Variants in BMPR1B observed in about 807,000 individuals in gnomAD.
The protein encoded by BMPR1B is bone morphogenetic protein receptor type-1B.
In BMPR1B, 12 loss-of-function variants were observed where a neutral mutation model predicts 59.1. That is an observed-to-expected ratio of 0.20 (90% confidence interval 0.13 to 0.33). The LOEUF is 0.33. BMPR1B is among the 10% of genes least tolerant of loss of function. The pLI, the probability that BMPR1B is intolerant of heterozygous loss-of-function variation, is 1.00. For missense variants in BMPR1B, 550 were observed against 610.9 expected (o/e 0.90, Z 1.05); for synonymous variants, 237 against 207.3 (o/e 1.14, Z -1.23).
At chr4:94,832,805 G>A (rs181219808) in intron 1 of BMPR1B, among the ~76,000 whole-genome samples, 5 of 151,966 alleles carry the variant, frequency 3.3e-5, no homozygotes, top group Non-Finnish European at 7.4e-5. Flanking sequence ...AATAAGGAAA[G>A]GTAGTGCAGT....
At chr4:94,908,554 T>C (rs1394558960) in intron 2 of BMPR1B, among the ~76,000 whole-genome samples, 1 of 152,072 alleles carries the variant, frequency 6.6e-6, no homozygotes, top group African/African-American at 2.4e-5. Context: ...ATCAATGATC[T>C]GTAATATCAC....
At chr4:95,139,147 G>A (rs1161054872) in intron 10 of BMPR1B, among the ~76,000 whole-genome samples, 1 of 152,192 alleles carries the variant, frequency 6.6e-6, no homozygotes, top group Non-Finnish European at 1.5e-5. Flanking sequence ...AGGACCCTCA[G>A]CTGCAGGTCT....
intron 4 of BMPR1B, among the ~76,000 whole-genome samples, chr4:95,110,258 G>GGTCC (rs1731533565): frequency 6.6e-6 from 1 of 151,794 alleles, no homozygotes; most frequent in Admixed American, 6.6e-5. Flanking sequence ...ATGTGGTGAG[G>GGTCC]GTCCGCATTG....
chr4:94,859,292 C>T (rs1185181212), intron 1 of BMPR1B, among the ~76,000 whole-genome samples: 1 of 152,124 alleles, frequency 6.6e-6, no homozygotes, highest in Non-Finnish European at 1.5e-5. Context: ...TACTTTTTAA[C>T]AGGATTTTAA....
In BMPR1B at chr4:94,933,123, C is replaced by T. The variant is rs899465769; in HGVS notation, c.-113+57223C>T. Among the ~76,000 whole-genome samples the T allele has an allele frequency of 1.1e-4, 16 of 151,828 alleles. 1 individual carries two copies. The highest frequency in any genetic ancestry group is 1.6e-4 in the Non-Finnish European group (11 of 67,920). The stretch of plus-strand genomic sequence containing the variant: ...TATATAATGCTTTTTATATAATATT[C>T]GTATGTATTAGAATTAAGCTATTCA... On this transcript the variant is annotated intron_variant, in intron 2 of 12. Coordinates refer to ENST00000515059, the MANE Select transcript of BMPR1B (RefSeq NM_001203.3).
chr4:95,069,550 T>A (rs1398067146), intron 3 of BMPR1B, among the ~76,000 whole-genome samples: 1 of 152,230 alleles, frequency 6.6e-6, no homozygotes, highest in Non-Finnish European at 1.5e-5. Context: ...CTAGCTATCC[T>A]TTTTAAATCA....
intron 2 of BMPR1B, among the ~76,000 whole-genome samples, chr4:94,962,346 C>T (rs1221736721): frequency 2.0e-5 from 3 of 152,108 alleles, no homozygotes; most frequent in Admixed American, 6.6e-5. Flanking sequence ...CCATGTTGGC[C>T]AGGCTGGTCT....
intron 1 of BMPR1B, among the ~76,000 whole-genome samples, chr4:94,772,505 A>G (rs1485119052): frequency 1.3e-5 from 2 of 152,228 alleles, no homozygotes; most frequent in Non-Finnish European, 2.9e-5. Flanking sequence ...AAAATACTTA[A>G]TATTTAAAAT....
chr4:95,009,893 G>T (rs892614144), intron 3 of BMPR1B, among the ~76,000 whole-genome samples: 1 of 152,172 alleles, frequency 6.6e-6, no homozygotes, highest in Non-Finnish European at 1.5e-5. Flanking sequence ...CTCTTTCCGT[G>T]TGGAGAATGA....
At chr4:94,916,772 CA>C (rs1156806159) in intron 2 of BMPR1B, among the ~76,000 whole-genome samples, 15 of 152,156 alleles carry the variant, frequency 9.9e-5, no homozygotes, top group African/African-American at 9.7e-5. Flanking sequence ...ATTTGCATAA[CA>C]AAAAAGCCAA....
intron 1 of BMPR1B, among the ~76,000 whole-genome samples, chr4:94,868,839 G>T (rs1435954438): frequency 6.6e-6 from 1 of 152,130 alleles, no homozygotes; most frequent in African/African-American, 2.4e-5. Context: ...TTCACCTCAA[G>T]TATTCCCAGT....
At chr4:94,897,175 G>C (rs1041888365) in intron 2 of BMPR1B, among the ~76,000 whole-genome samples, 1 of 151,976 alleles carries the variant, frequency 6.6e-6, no homozygotes, top group African/African-American at 2.4e-5. Flanking sequence ...CATCACCTTG[G>C]AAAGGGGGAT....
intron 1 of BMPR1B, among the ~76,000 whole-genome samples, chr4:94,874,192 C>T (rs1050115226): frequency 3.3e-5 from 5 of 151,778 alleles, no homozygotes; most frequent in African/African-American, 1.2e-4. Flanking sequence ...TTTGTTTTAT[C>T]CATTCATCTT....
At chr4:95,029,104 A>G (rs1724631806) in intron 3 of BMPR1B, among the ~76,000 whole-genome samples, 1 of 151,036 alleles carries the variant, frequency 6.6e-6, no homozygotes, top group Admixed American at 6.6e-5. Flanking sequence ...ATTTTTTATT[A>G]TTGTTACTAT....
intron 2 of BMPR1B, among the ~76,000 whole-genome samples, chr4:94,984,200 G>A (rs1344283822): frequency 6.6e-6 from 1 of 152,074 alleles, no homozygotes; most frequent in Non-Finnish European, 1.5e-5. Flanking sequence ...ATCTGAATAA[G>A]GTTTTCATCA....
rs563934737 is a variant in BMPR1B at position 95,132,228 on chromosome 4, A to G, written c.1076+716A>G. Reference sequence around the variant, plus strand: ...AAATGAGCTTGCAAACCACTGGTGTAGAGAAATCATCGTATAACTACCTTT... The same window carrying G: ...AAATGAGCTTGCAAACCACTGGTGTGGAGAAATCATCGTATAACTACCTTT... On this transcript the variant is annotated intron_variant, in intron 10 of 12. Coordinates refer to ENST00000515059, the MANE Select transcript of BMPR1B (RefSeq NM_001203.3). Among the ~76,000 whole-genome samples the G allele has an allele frequency of 3.3e-5, 5 of 152,328 alleles. No individual in the cohort carries two copies. The South Asian group carries it at 6.2e-4, about 19-fold the overall frequency.
chr4:94,762,194 C>CT (rs1578614484), intron 1 of BMPR1B, among the ~76,000 whole-genome samples: 2 of 152,050 alleles, frequency 1.3e-5, no homozygotes, highest in African/African-American at 4.8e-5. Flanking sequence ...AATGCCTACT[C>CT]TGTGTGTGGC....
At chr4:95,139,876 C>T (rs1015917284) in intron 10 of BMPR1B, among the ~76,000 whole-genome samples, 1 of 152,192 alleles carries the variant, frequency 6.6e-6, no homozygotes, top group East Asian at 1.9e-4. Flanking sequence ...TGACCCCTTG[C>T]GCTTGCCGGG....
chr4:94,904,672 C>T (rs1314709739), intron 2 of BMPR1B, among the ~76,000 whole-genome samples: 1 of 152,004 alleles, frequency 6.6e-6, no homozygotes, highest in Non-Finnish European at 1.5e-5. Context: ...ACATAATTTT[C>T]TGTGGTAGCA....
Sources: allele counts gnomAD v4.1 joint callset (sites outside exome capture counted in the v4.1 genomes callset), GRCh38; gene constraint gnomAD v4.1.1; transcripts MANE v1.5; gene names NCBI Gene and HGNC (gene_info 2026-07-23, HGNC 2026-07-21).